The following STOML3 variants were observed in gnomAD, a reference collection of about 807,000 sequenced individuals.
The protein encoded by STOML3 is stomatin-like protein 3.
In STOML3, 31 loss-of-function variants were observed where a neutral mutation model predicts 29.5. The observed-to-expected ratio is 1.05, with a 90% CI of 0.79 to 1.42. The LOEUF is 1.42. STOML3 is among the 40% of genes most tolerant of loss of function. The pLI is 0.00. For missense variants in STOML3, 380 were observed against 363.0 expected (o/e 1.05, Z -0.38); for synonymous variants, 122 against 139.8 (o/e 0.87, Z 0.90).
intron 4 of STOML3, 132 bp from the exon 5 acceptor site, chr13:38,970,520 A>G: frequency 2.8e-6 from 2 of 705,168 alleles, no homozygotes; most frequent in Non-Finnish European, 4.8e-6. Context: ...GTCACCTAAA[A>G]CCTGTCCTGG....
At chr13:38,984,236 C>G (rs1868418928) in intron 1 of STOML3, among the ~76,000 whole-genome samples, 1 of 152,150 alleles carries the variant, frequency 6.6e-6, no homozygotes, top group African/African-American at 2.4e-5. Context: ...CACATGAATA[C>G]CCCCTACAGT....
intron 1 of STOML3, among the ~76,000 whole-genome samples, chr13:38,984,020 C>G (rs759401138): frequency 1.3e-5 from 2 of 151,738 alleles, no homozygotes; most frequent in South Asian, 2.1e-4. Context: ...CTGGAGGCAT[C>G]CCCCCCCACA....
chr13:38,989,494 T>C (rs1025158053), intron 1 of STOML3, among the ~76,000 whole-genome samples: 4 of 151,732 alleles, frequency 2.6e-5, no homozygotes, highest in Non-Finnish European at 5.9e-5. Flanking sequence ...TCTTTTTTCT[T>C]TCTTTATTCC....
At chr13:38,974,246 G>T (rs1880992039) in intron 3 of STOML3, among the ~76,000 whole-genome samples, 1 of 152,050 alleles carries the variant, frequency 6.6e-6, no homozygotes, top group Non-Finnish European at 1.5e-5. Context: ...AATCAAAAAG[G>T]CTTTGCATTA....
chr13:38,976,926 A>AT, intron 1 of STOML3, 129 bp from the exon 2 acceptor site: 1 of 702,888 alleles, frequency 1.4e-6, no homozygotes, highest in Non-Finnish European at 2.5e-6. Context: ...ACCTAAATCC[A>AT]TTTACACCAT....
intron 1 of STOML3, among the ~76,000 whole-genome samples, chr13:38,978,518 C>T (rs527658477): frequency 6.6e-6 from 1 of 152,246 alleles, no homozygotes; most frequent in South Asian, 2.1e-4. Context: ...CAACCCCATT[C>T]GCATCCCATG....
chr13:38,982,282 AC>A (rs1881294883), intron 1 of STOML3, among the ~76,000 whole-genome samples: 2 of 152,016 alleles, frequency 1.3e-5, no homozygotes, highest in South Asian at 4.2e-4. Context: ...AACAACAAAA[AC>A]AAAATTGTCA....
intron 3 of STOML3, among the ~76,000 whole-genome samples, chr13:38,976,133 A>C (rs1398864801): frequency 1.3e-5 from 2 of 152,186 alleles, no homozygotes; most frequent in Non-Finnish European, 2.9e-5. Context: ...CCCTTTTCAA[A>C]GAGTGAGCAT....
chr13:38,967,355 C>T (rs1357711266), intron 6 of STOML3, among the ~76,000 whole-genome samples: 1 of 152,152 alleles, frequency 6.6e-6, no homozygotes, highest in African/African-American at 2.4e-5. Context: ...TGCCTGGAAG[C>T]ACTTTGGAGC....
At chr13:38,968,175 C>G (rs9548571) in intron 6 of STOML3, among the ~76,000 whole-genome samples, 1 of 151,942 alleles carries the variant, frequency 6.6e-6, no homozygotes, top group South Asian at 2.1e-4. Flanking sequence ...TTGCTCAGTA[C>G]GTTACTGAGC....
At chr13:38,976,642 T>C in intron 2 of STOML3, 30 bp from the exon 3 acceptor site, 1 of 1,614,104 alleles carries the variant, frequency 6.2e-7, no homozygotes, top group Non-Finnish European at 8.5e-7. Context: ...CGTTTAGTCC[T>C]AATGGTTTGT....
At chr13:38,973,120 A>C (rs1459504069) in intron 3 of STOML3, among the ~76,000 whole-genome samples, 11 of 148,382 alleles carry the variant, frequency 7.4e-5, no homozygotes, top group Admixed American at 6.0e-4. Context: ...AAAAAAAAAA[A>C]AAAAAAAAAA....
At chr13:38,983,359 T>C (rs1881331318) in intron 1 of STOML3, among the ~76,000 whole-genome samples, 1 of 152,194 alleles carries the variant, frequency 6.6e-6, no homozygotes, top group Admixed American at 6.5e-5. Flanking sequence ...TTGAATAAAG[T>C]CTTCCTTGGC....
chr13:38,981,304 G>T (rs898723756), intron 1 of STOML3, among the ~76,000 whole-genome samples: 1 of 152,070 alleles, frequency 6.6e-6, no homozygotes, highest in African/African-American at 2.4e-5. Flanking sequence ...CATCCCCAGG[G>T]CATTATTCCT....
intron 1 of STOML3, among the ~76,000 whole-genome samples, chr13:38,986,130 C>T (rs1407413701): frequency 6.7e-6 from 1 of 148,250 alleles, no homozygotes; most frequent in Non-Finnish European, 1.5e-5. Context: ...CAACCTCTGC[C>T]TTCCAGGTTC....
chr13:38,980,087 C>A (rs1163340333), intron 1 of STOML3: 1 of 1,551,692 alleles, frequency 6.4e-7, no homozygotes, highest in Admixed American at 2.0e-5. Context: ...CAAGCCCTTG[C>A]ATCATTACAC....
rs1463210422 is a variant in STOML3, at chr13:38,988,502, T to A, written c.52+2168A>T. 1.5e-3 allele frequency among the ~76,000 whole-genome samples: 120 copies of A among 77,754 alleles called. 2 individuals are homozygous for A. Among genetic ancestry groups the A allele is most frequent in the Admixed American group, 2.7e-3 (19 of 7,048 alleles). 51.0% of individuals were successfully genotyped at this position (77,754 alleles called of 152,430 possible). Reference sequence around the variant, plus strand: ...TATTTTATATCATATATTTTATATATAATATATTTTATATCATATATTTTA... The same window carrying A: ...TATTTTATATCATATATTTTATATAAAATATATTTTATATCATATATTTTA... On this transcript the variant is annotated intron_variant, in intron 1 of 6. Transcript: ENST00000379631.
chr13:38,988,223 T>C (rs1435762457), intron 1 of STOML3, among the ~76,000 whole-genome samples: 1 of 86,290 alleles, frequency 1.2e-5, no homozygotes. Flanking sequence ...TATGATATTT[T>C]ATATCATATA....
chr13:38,974,563 A>G (rs1157176302), intron 3 of STOML3, among the ~76,000 whole-genome samples: 1 of 152,210 alleles, frequency 6.6e-6, no homozygotes, highest in East Asian at 1.9e-4. Context: ...ATGATGAAAT[A>G]AAGTACTAAA....
Sources: gnomAD v4.1 joint callset for allele counts (sites outside exome capture counted in the v4.1 genomes callset) on GRCh38, gnomAD v4.1.1 for gene constraint, MANE v1.5 for transcripts, NCBI Gene and HGNC (gene_info 2026-07-23, HGNC 2026-07-21) for gene names.